Variants in ARSG observed in about 807,000 individuals in gnomAD.
ARSG encodes the protein arylsulfatase G.
Under a neutral mutation model 50.5 loss-of-function variants are expected in ARSG, and 37 were observed. The ratio of observed to expected loss-of-function variants is 0.73; its 90% CI spans 0.56 to 0.96. The LOEUF (loss-of-function observed/expected upper bound fraction) is 0.96, where lower values mean the gene tolerates loss of function less well. ARSG is among the 50% of genes least tolerant of loss of function. The probability of loss-of-function intolerance (pLI) is 0.00; values close to 1 mark genes in which losing one functional copy is unlikely to be tolerated. For missense variants in ARSG, 629 were observed against 675.3 expected, an observed-to-expected ratio of 0.93 and a Z score of 0.76; for synonymous variants, 225 against 254.6, an observed-to-expected ratio of 0.88 and a Z score of 1.11.
chr17:68,355,329 C>A (rs1457531320), intron 5 of ARSG, among the ~76,000 whole-genome samples: 2 of 152,164 alleles, frequency 1.3e-5, no homozygotes, highest in Non-Finnish European at 2.9e-5. Context: ...GGGTCAGATT[C>A]ATTTCAATCT....
chr17:68,337,232 T>C lies in ARSG; in HGVS notation c.219-6372T>C, dbSNP rs893068024. Reference sequence around the variant, plus strand: ...TTGCGTTTAAGGTGCCAAGAAGAGATGTTCGGGAGGGGAGGGGAGCGAAGG... The same window carrying C: ...TTGCGTTTAAGGTGCCAAGAAGAGACGTTCGGGAGGGGAGGGGAGCGAAGG... On this transcript the variant is annotated intron_variant, in intron 2 of 11. Coordinates refer to ENST00000621439, the MANE Select transcript of ARSG (RefSeq NM_001267727.2). 5.3e-5 allele frequency among the ~76,000 whole-genome samples: 8 copies of C among 152,230 alleles called. No homozygotes were observed. The East Asian group carries it at 1.5e-3, about 29-fold the overall frequency.
At chr17:68,311,846 G>A (rs1486037185) in intron 2 of ARSG, among the ~76,000 whole-genome samples, 23 of 149,506 alleles carry the variant, frequency 1.5e-4, no homozygotes, top group Admixed American at 1.5e-3. Context: ...TGTCGCCCAG[G>A]TTGGAGTGCA....
At chr17:68,425,272 G>T (rs7214022), downstream of ARSG, among the ~76,000 whole-genome samples, 117,005 of 152,142 alleles carry the variant, frequency 0.77, 45,069 homozygotes, top group African/African-American at 0.81. Context: ...GGCACAATCA[G>T]AGCTCACTGC....
At chr17:68,300,969 T>C (rs1445542721) in intron 1 of ARSG, among the ~76,000 whole-genome samples, 2 of 151,666 alleles carry the variant, frequency 1.3e-5, no homozygotes, top group African/African-American at 2.4e-5. Context: ...ATACAAAAAA[T>C]TAGCCGGGCG....
At chr17:68,396,158 G>A (rs746676003) in intron 10 of ARSG, among the ~76,000 whole-genome samples, 2 of 151,708 alleles carry the variant, frequency 1.3e-5, no homozygotes, top group Non-Finnish European at 2.9e-5. Flanking sequence ...ACACCCTCCC[G>A]AGCCCATGCC....
At chr17:68,448,154 CT>C in the ARSG span, among the ~76,000 whole-genome samples, 4 of 152,124 alleles carry the variant, frequency 2.6e-5, no homozygotes, top group African/African-American at 9.7e-5. Context: ...CCCCTTGGGC[CT>C]TTATCATTTC....
At chr17:68,446,088 T>C in the ARSG span, among the ~76,000 whole-genome samples, 1 of 152,196 alleles carries the variant, frequency 6.6e-6, no homozygotes, top group South Asian at 2.1e-4. Flanking sequence ...GGGAAAAGCC[T>C]GCCCTGCTAT....
chr17:68,375,201 C>T (rs1255530959), intron 8 of ARSG, among the ~76,000 whole-genome samples: 6 of 152,178 alleles, frequency 3.9e-5, no homozygotes, highest in South Asian at 2.1e-4. Flanking sequence ...TCCTAGGTGA[C>T]GCTGATGTGG....
intron 10 of ARSG, chr17:68,401,005 G>A (rs1296991608): frequency 1.0e-5 from 2 of 193,652 alleles, no homozygotes; most frequent in Non-Finnish European, 2.1e-5. Flanking sequence ...GGAGCATCTA[G>A]CATCATCTAG....
At chr17:68,290,155 C>T (rs1205304907), upstream of ARSG, among the ~76,000 whole-genome samples, 1 of 152,222 alleles carries the variant, frequency 6.6e-6, no homozygotes, top group African/African-American at 2.4e-5. Context: ...AAGGAGCTGG[C>T]ACGGAGTGTC....
intron 1 of ARSG, among the ~76,000 whole-genome samples, chr17:68,261,973 G>A (rs1190847664): frequency 4.6e-5 from 7 of 151,456 alleles, no homozygotes; most frequent in Non-Finnish European, 5.9e-5. Context: ...CCAACATGAC[G>A]AAACCCCATC....
At chr17:68,310,939 G>A (rs902189713) in intron 2 of ARSG, among the ~76,000 whole-genome samples, 1 of 152,288 alleles carries the variant, frequency 6.6e-6, no homozygotes, top group South Asian at 2.1e-4. Context: ...GGTGGCTCAC[G>A]CCTGTAATTC....
At chr17:68,365,758 G>T (rs560555842) in intron 6 of ARSG, among the ~76,000 whole-genome samples, 20 of 152,284 alleles carry the variant, frequency 1.3e-4, no homozygotes, top group African/African-American at 4.1e-4. Flanking sequence ...CAGCTATGGA[G>T]ATGTCACCGA....
At chr17:68,375,472 C>G (rs2080099971) in intron 8 of ARSG, among the ~76,000 whole-genome samples, 1 of 152,188 alleles carries the variant, frequency 6.6e-6, no homozygotes, top group South Asian at 2.1e-4. Context: ...GGCGATAATG[C>G]AGGTTAAAAT....
chr17:68,276,751 G>C (rs1179846108), intron 1 of ARSG, among the ~76,000 whole-genome samples: 2 of 152,210 alleles, frequency 1.3e-5, no homozygotes, highest in African/African-American at 4.8e-5. Flanking sequence ...ACCATGCCCA[G>C]CTTGGTTAAC....
At chr17:68,294,908 T>C (rs2076152317) in intron 1 of ARSG, among the ~76,000 whole-genome samples, 1 of 152,102 alleles carries the variant, frequency 6.6e-6, no homozygotes, top group Non-Finnish European at 1.5e-5. Flanking sequence ...AAACACACAC[T>C]TCTGGGAGAA....
intron 8 of ARSG, among the ~76,000 whole-genome samples, chr17:68,372,534 G>A (rs891071240): frequency 2.0e-5 from 3 of 152,120 alleles, no homozygotes; most frequent in Non-Finnish European, 2.9e-5. Context: ...TGAAGGGGAA[G>A]GCGCCACACA....
chr17:68,320,596 G>A (rs797035020), intron 2 of ARSG, among the ~76,000 whole-genome samples: 25 of 152,304 alleles, frequency 1.6e-4, no homozygotes, highest in African/African-American at 5.5e-4. Context: ...GGCTGGGAGT[G>A]TGAGACTGGA....
chr17:68,392,113 A>C (rs1276311149), intron 9 of ARSG, among the ~76,000 whole-genome samples: 1 of 152,226 alleles, frequency 6.6e-6, no homozygotes, highest in African/African-American at 2.4e-5. Context: ...CGAAAGCCTG[A>C]ACTCTGCTGC....
Sources: gnomAD v4.1 joint callset for allele counts (sites outside exome capture counted in the v4.1 genomes callset) on GRCh38, gnomAD v4.1.1 for gene constraint, MANE v1.5 for transcripts, NCBI Gene and HGNC (gene_info 2026-07-23, HGNC 2026-07-21) for gene names.